The following SLC13A3 variants were observed in gnomAD, a reference collection of about 807,000 sequenced individuals.
SLC13A3 encodes the protein solute carrier family 13 member 3.
Under a neutral mutation model 59.0 loss-of-function variants are expected in SLC13A3, and 40 were observed. The ratio of observed to expected loss-of-function variants is 0.68; its 90% confidence interval spans 0.53 to 0.88. The LOEUF (loss-of-function observed/expected upper bound fraction) is 0.88. SLC13A3 is among the 40% of genes least tolerant of loss of function. The pLI is 0.00. For synonymous variants in SLC13A3, 317 were observed against 330.3 expected (o/e 0.96, Z 0.44); for missense variants, 699 against 783.2 (o/e 0.89, Z 1.28).
intron 1 of SLC13A3, among the ~76,000 whole-genome samples, chr20:46,667,852 AG>A (rs2063069855): frequency 6.6e-6 from 1 of 152,218 alleles, no homozygotes; most frequent in Non-Finnish European, 1.5e-5. Context: ...TCATGTTTCT[AG>A]GTCACATTTT....
At chr20:46,584,077 C>T in intron 8 of SLC13A3, 1 of 985,312 alleles carries the variant, frequency 1.0e-6, no homozygotes, top group African/African-American at 1.7e-5. Context: ...CAGCTCACTG[C>T]ATTGAGATAC....
chr20:46,683,276 A>G (rs1199609580), intron 1 of SLC13A3, among the ~76,000 whole-genome samples: 1 of 152,242 alleles, frequency 6.6e-6, no homozygotes, highest in Non-Finnish European at 1.5e-5. Context: ...TGAAAAATCC[A>G]GCTGCAAACA....
chr20:46,589,726 G>A (rs552309468), intron 6 of SLC13A3, among the ~76,000 whole-genome samples: 4 of 152,282 alleles, frequency 2.6e-5, no homozygotes, highest in African/African-American at 7.2e-5. Context: ...TTTGACAGGC[G>A]TACCAAGACT....
At chr20:46,586,934 T>A (rs1483947053) in intron 8 of SLC13A3, among the ~76,000 whole-genome samples, 2 of 152,246 alleles carry the variant, frequency 1.3e-5, no homozygotes, top group African/African-American at 4.8e-5. Context: ...TGAATAGGTG[T>A]GGCTGTGTGT....
chr20:46,650,875 G>A (rs868375313), intron 1 of SLC13A3, among the ~76,000 whole-genome samples: 6 of 152,056 alleles, frequency 3.9e-5, no homozygotes, highest in Non-Finnish European at 7.4e-5. Flanking sequence ...GACCAGCCTG[G>A]ACAACATAGT....
intron 12 of SLC13A3, among the ~76,000 whole-genome samples, chr20:46,562,023 A>G (rs1266357173): frequency 2.6e-5 from 4 of 151,018 alleles, no homozygotes; most frequent in Admixed American, 1.3e-4. Context: ...CCTCTTGGGG[A>G]CTCTCCATTT....
chr20:46,651,381 G>T lies in SLC13A3; in HGVS notation c.41C>A (p.Ala14Glu). 6.6e-7 allele frequency: 1 copy of T among 1,509,848 alleles called. No homozygotes were observed. The allele number at this position is 1,509,848 out of a possible 1,614,324, so 93.5% of individuals were successfully genotyped here. ...GAACAGCAGCACCAGCAGCCGCCGC[G>T]CGCTCCACACCTTCTTGGCCGCTGC... ...LAAAAKKVWS[A>E]RRLLVLLFTP... The change falls in exon 1 of 13, where the codon GCG (alanine) becomes GAG (glutamate). Residue 14 changes from alanine (A) to glutamate (E), a missense_variant. By Grantham distance (107) the Ala-to-Glu change is moderately radical. Coordinates refer to ENST00000279027, the MANE Select transcript of SLC13A3 (RefSeq NM_022829.6).
At chr20:46,614,030 T>TTCA in intron 1 of SLC13A3, 1 of 310,222 alleles carries the variant, frequency 3.2e-6, no homozygotes, top group East Asian at 5.3e-5. Context: ...CATTGTTGTC[T>TTCA]TAGAGATAAA....
At chr20:46,597,744 A>G (rs1016836628) in intron 4 of SLC13A3, among the ~76,000 whole-genome samples, 2 of 152,224 alleles carry the variant, frequency 1.3e-5, no homozygotes, top group Non-Finnish European at 2.9e-5. Context: ...AAATGCATCT[A>G]TGTATACAGC....
intron 3 of SLC13A3, among the ~76,000 whole-genome samples, chr20:46,603,679 C>T (rs1053742299): frequency 1.3e-5 from 2 of 151,924 alleles, no homozygotes; most frequent in Admixed American, 6.6e-5. Flanking sequence ...TGAACTACCA[C>T]GCCTGGGCTG....
chr20:46,652,787 C>T (rs1254272183), upstream of SLC13A3, among the ~76,000 whole-genome samples: 2 of 152,048 alleles, frequency 1.3e-5, no homozygotes, highest in South Asian at 2.1e-4. Context: ...TGTTGGGTTG[C>T]CCAGTATTTG....
Position 46,651,381 on chromosome 20 carries a change from G to A in SLC13A3, c.41C>T (p.Ala14Val). The part of the protein sequence containing the change: ...LAAAAKKVWS[A>V]RRLLVLLFTP... ...GAACAGCAGCACCAGCAGCCGCCGCGCGCTCCACACCTTCTTGGCCGCTGC... is the reference window on the plus strand; with the variant it reads ...GAACAGCAGCACCAGCAGCCGCCGCACGCTCCACACCTTCTTGGCCGCTGC... Residue 14 changes from alanine (A) to valine (V), a missense_variant, in exon 1 of 13, where the codon GCG (alanine) becomes GTG (valine). Coordinates refer to ENST00000279027, the MANE Select transcript of SLC13A3 (RefSeq NM_022829.6). 2 of 1,509,848 alleles carry A rather than the reference G, an allele frequency of 1.3e-6. No individual in the cohort carries two copies. Among genetic ancestry groups the A allele is most frequent in the East Asian group, 2.7e-5 (1 of 36,604 alleles). The allele number at this position is 1,509,848 out of a possible 1,614,324, so 93.5% of individuals were successfully genotyped here. A position where few individuals can be genotyped will look rare whatever the true frequency, so the allele number is the denominator to read the frequency against.
intron 9 of SLC13A3, among the ~76,000 whole-genome samples, chr20:46,576,190 A>G (rs2062074667): frequency 6.6e-6 from 1 of 152,162 alleles, no homozygotes; most frequent in Non-Finnish European, 1.5e-5. Context: ...GCAGGGGGTT[A>G]GCGAGTGAAT....
intron 3 of SLC13A3, among the ~76,000 whole-genome samples, chr20:46,607,838 G>T (rs1250349565): frequency 1.3e-5 from 2 of 152,208 alleles, no homozygotes; most frequent in Admixed American, 1.3e-4. Flanking sequence ...CGGGGGGTGG[G>T]AGGACTCTTT....
At chr20:46,626,156 TC>T (rs1173995968) in intron 1 of SLC13A3, among the ~76,000 whole-genome samples, 1 of 149,968 alleles carries the variant, frequency 6.7e-6, no homozygotes, top group African/African-American at 2.5e-5. Context: ...TGTCTCTCTC[TC>T]CCCCCTTCTT....
intron 2 of SLC13A3, 72 bp from the exon 3 acceptor site, chr20:46,610,681 A>T: frequency 7.7e-7 from 1 of 1,304,390 alleles, no homozygotes; most frequent in African/African-American, 1.5e-5. Flanking sequence ...CCAGTTTGCC[A>T]TCCCTGAGGA....
At chr20:46,564,616 C>T (rs949570402) in intron 11 of SLC13A3, among the ~76,000 whole-genome samples, 3 of 152,178 alleles carry the variant, frequency 2.0e-5, no homozygotes, top group African/African-American at 7.2e-5. Flanking sequence ...CCAGGTCCCT[C>T]TGAGGACTCC....
rs2062161334 is a variant in SLC13A3 at position 46,583,635 on chromosome 20, C to T, written c.1156G>A (p.Val386Ile). The change falls in exon 9 of 13, where the codon GTC (valine) becomes ATC (isoleucine). Residue 386 changes from valine to isoleucine, a missense_variant. By Grantham distance (29) the Val-to-Ile change is conservative. Coordinates refer to ENST00000279027, the MANE Select transcript of SLC13A3 (RefSeq NM_022829.6). The stretch of plus-strand genomic sequence containing the variant: ...GACGGGAAGAAGAACAAGATGGTGA[C>T]AATAGCCACGCCGGTGACAGCATCA... ...LSDAVTGVAI[V>I]TILFFFPSQR... 1 of 1,613,800 alleles carries T rather than the reference C, an allele frequency of 6.2e-7. No individual in the cohort carries two copies. Among genetic ancestry groups the T allele is most frequent in the African/African-American group, 1.3e-5 (1 of 74,818 alleles).
chr20:46,674,466 C>A (rs552690363), upstream of SLC13A3, among the ~76,000 whole-genome samples: 5 of 152,304 alleles, frequency 3.3e-5, no homozygotes, highest in East Asian at 7.8e-4. Flanking sequence ...TCAAGGTTTA[C>A]AAACACGGAG....
Sources: gnomAD v4.1 joint callset for allele counts (sites outside exome capture counted in the v4.1 genomes callset) on GRCh38, gnomAD v4.1.1 for gene constraint, MANE v1.5 for transcripts, NCBI Gene and HGNC (gene_info 2026-07-23, HGNC 2026-07-21) for gene names.